Variants in MCTP2 observed in about 807,000 individuals in gnomAD.
MCTP2 encodes multiple C2 and transmembrane domain-containing protein 2.
MCTP2 carries 132 observed loss-of-function variants against 111.6 expected under a neutral mutation model. The ratio of observed to expected loss-of-function variants is 1.18; its 90% CI spans 1.03 to 1.37. The LOEUF (loss-of-function observed/expected upper bound fraction) is 1.37. Ranked by LOEUF, MCTP2 falls within the 40% of genes most tolerant of loss-of-function variation. The probability of loss-of-function intolerance (pLI) is 0.00; values close to 1 mark genes in which losing one functional copy is unlikely to be tolerated. For missense variants in MCTP2, 1,183 were observed against 1,067.9 expected (o/e 1.11, Z -1.50); for synonymous variants, 395 against 387.7 (o/e 1.02, Z -0.22).
intron 17 of MCTP2, among the ~76,000 whole-genome samples, chr15:94,404,154 A>T (rs2081769433): frequency 6.6e-6 from 1 of 152,128 alleles, no homozygotes; most frequent in South Asian, 2.1e-4. Context: ...CCCTAAGTTG[A>T]TGAAGTGTAA....
At chr15:94,383,971 T>G in intron 12 of MCTP2, 51 bp from the exon 13 acceptor site, 1 of 1,307,082 alleles carries the variant, frequency 7.7e-7, no homozygotes, top group Non-Finnish European at 1.1e-6. Context: ...ATTGCCCTTG[T>G]CCCTTTCGAG....
intron 1 of MCTP2, among the ~76,000 whole-genome samples, chr15:94,270,283 C>G (rs531885152): frequency 2.0e-5 from 3 of 152,246 alleles, no homozygotes; most frequent in South Asian, 4.2e-4. Context: ...GCACTGTGAG[C>G]TTGAACAGTT....
chr15:94,237,095 G>A (rs1229654949), intron 1 of MCTP2, among the ~76,000 whole-genome samples: 1 of 152,158 alleles, frequency 6.6e-6, no homozygotes, highest in African/African-American at 2.4e-5. Context: ...AGTCTGAGAT[G>A]TTTGGATGAC....
intron 4 of MCTP2, among the ~76,000 whole-genome samples, chr15:94,323,169 G>A (rs1182963507): frequency 6.6e-6 from 1 of 152,190 alleles, no homozygotes; most frequent in Admixed American, 6.5e-5. Context: ...CTACACCATT[G>A]TTAATTGTTC....
chr15:94,347,128 A>G (rs563482449), intron 8 of MCTP2, among the ~76,000 whole-genome samples: 1 of 152,278 alleles, frequency 6.6e-6, no homozygotes, highest in East Asian at 1.9e-4. Context: ...TTTGCTTCTG[A>G]GAATGTACAG....
intron 19 of MCTP2, among the ~76,000 whole-genome samples, chr15:94,448,986 G>A (rs939731580): frequency 1.3e-5 from 2 of 152,148 alleles, no homozygotes; most frequent in Middle Eastern, 3.2e-3. Flanking sequence ...GTTGCGGTGA[G>A]CCGAGATCGT....
At chr15:94,310,661 GA>G (rs1385053814) in intron 2 of MCTP2, among the ~76,000 whole-genome samples, 6 of 151,058 alleles carry the variant, frequency 4.0e-5, no homozygotes, top group African/African-American at 1.5e-4. Flanking sequence ...AATTTTGTAA[GA>G]AAATTTATAA....
rs1177829350 is a variant in MCTP2, at chr15:94,402,623, G to C, written c.2085+604G>C. ...TAAAACCACCTAAGTCTACCACTGA[G>C]AGCCCAAGAATCTTGGAAGGACTTC... On this transcript the variant is annotated intron_variant, in intron 17 of 22. Transcript: ENST00000357742. 2.5e-5 allele frequency: 39 copies of C among 1,548,338 alleles called. No individual in the cohort carries two copies. The Admixed American group carries it at 2.8e-4, about 11-fold the overall frequency.
intron 17 of MCTP2, among the ~76,000 whole-genome samples, chr15:94,437,235 C>T (rs944611486): frequency 6.7e-6 from 1 of 148,392 alleles, no homozygotes; most frequent in African/African-American, 2.5e-5. Context: ...GAAGGAAAAT[C>T]GTCATGATTT....
chr15:94,281,963 C>T (rs1056935498), intron 1 of MCTP2, among the ~76,000 whole-genome samples: 3 of 152,070 alleles, frequency 2.0e-5, no homozygotes, highest in Non-Finnish European at 4.4e-5. Context: ...CTCTAGCTGC[C>T]TTTAAGAATT....
intron 17 of MCTP2, among the ~76,000 whole-genome samples, chr15:94,418,109 G>A (rs573963439): frequency 3.9e-5 from 6 of 152,202 alleles, no homozygotes; most frequent in Admixed American, 6.6e-5. Context: ...AAAGGAGTAA[G>A]TCATGAAGGA....
At chr15:94,363,596 G>A (rs2079044588) in intron 10 of MCTP2, among the ~76,000 whole-genome samples, 1 of 152,142 alleles carries the variant, frequency 6.6e-6, no homozygotes, top group Non-Finnish European at 1.5e-5. Context: ...GAGGGCAGGG[G>A]TGAAGGCACA....
At chr15:94,419,017 T>C (rs139861426) in intron 17 of MCTP2, among the ~76,000 whole-genome samples, 46 of 152,290 alleles carry the variant, frequency 3.0e-4, no homozygotes, top group African/African-American at 1.1e-3. Context: ...ATATTCTTCA[T>C]AGAAATGTTC....
Position 94,276,947 on chromosome 15 carries a change from C to CCA in MCTP2, c.-65-21254_-65-21253insCA, listed in dbSNP as rs551505048. On this transcript the variant is annotated intron_variant, in intron 1 of 22. Coordinates refer to ENST00000357742, the MANE Select transcript of MCTP2 (RefSeq NM_001385001.1). ...ACTGTTACGTATTGAGTTGGAAGCC[C>CCA]AAAAAAAAAAAAAAAAAAATTAAGT... 3.6e-4 allele frequency among the ~76,000 whole-genome samples: 43 copies of CCA among 118,772 alleles called. No homozygotes were observed. The East Asian group carries it at 7.1e-3, about 20-fold the overall frequency. 77.9% of individuals were successfully genotyped at this position (118,772 alleles called of 152,430 possible). A position where few individuals can be genotyped will look rare whatever the true frequency, so the allele number is the denominator to read the frequency against.
At chr15:94,428,110 AT>A (rs1196454650) in intron 17 of MCTP2, among the ~76,000 whole-genome samples, 1 of 152,008 alleles carries the variant, frequency 6.6e-6, no homozygotes, top group East Asian at 1.9e-4. Context: ...AGCACCATAC[AT>A]TTTTGCATTT....
At chr15:94,268,990 A>C (rs1317874513) in intron 1 of MCTP2, among the ~76,000 whole-genome samples, 1 of 152,126 alleles carries the variant, frequency 6.6e-6, no homozygotes, top group East Asian at 1.9e-4. Context: ...AGGGTTTTTT[A>C]ATTGCTCCAA....
chr15:94,278,184 A>G (rs2074309984), intron 1 of MCTP2: 1 of 152,188 alleles, frequency 6.6e-6, no homozygotes, highest in African/African-American at 2.4e-5. Flanking sequence ...TAAAATTTGA[A>G]TAGAAGAGCA....
At chr15:94,243,422 T>TAC (rs2071265739) in intron 1 of MCTP2, among the ~76,000 whole-genome samples, 1 of 149,718 alleles carries the variant, frequency 6.7e-6, no homozygotes, top group Non-Finnish European at 1.5e-5. Context: ...TACGTATGCG[T>TAC]ATATGCGTAT....
intron 2 of MCTP2, among the ~76,000 whole-genome samples, chr15:94,304,164 A>T (rs1008897343): frequency 8.5e-5 from 13 of 152,234 alleles, no homozygotes; most frequent in Non-Finnish European, 1.6e-4. Context: ...ACTCTAGGCC[A>T]GATGTGGTGG....
Sources: gnomAD v4.1 joint callset for allele counts (sites outside exome capture counted in the v4.1 genomes callset) on GRCh38, gnomAD v4.1.1 for gene constraint, MANE v1.5 for transcripts, NCBI Gene and HGNC (gene_info 2026-07-23, HGNC 2026-07-21) for gene names.